Variants in LARGE1 observed in about 807,000 individuals in gnomAD.
LARGE1 encodes LARGE xylosyl- and glucuronyltransferase 1, also known as xylosyl- and glucuronyltransferase LARGE1.
A neutral mutation model predicts 87.6 loss-of-function variants in LARGE1; 43 were observed. The observed-to-expected ratio is 0.49, with a 90% CI of 0.38 to 0.63. The LOEUF (loss-of-function observed/expected upper bound fraction) is 0.63, where lower values mean the gene tolerates loss of function less well. LARGE1 is among the 30% of genes least tolerant of loss of function. The probability of loss-of-function intolerance (pLI) is 0.00; values close to 1 mark genes in which losing one functional copy is unlikely to be tolerated. For synonymous variants in LARGE1, 434 were observed against 394.6 expected (o/e 1.10, Z -1.18); for missense variants, 802 against 1,000.2 (o/e 0.80, Z 2.67).
intron 12 of LARGE1, among the ~76,000 whole-genome samples, chr22:33,292,100 A>C (rs1286522937): frequency 6.6e-6 from 1 of 152,094 alleles, no homozygotes; most frequent in East Asian, 1.9e-4. Context: ...TCTCAAAACA[A>C]AAACAAACAC....
chr22:33,801,785 A>G (rs1296039367), intron 1 of LARGE1, among the ~76,000 whole-genome samples: 5 of 152,148 alleles, frequency 3.3e-5, no homozygotes, highest in African/African-American at 4.8e-5. Context: ...CAGAAGAGGT[A>G]CCTGGACAAA....
At chr22:33,193,649 C>T (rs1399326493) in intron 11 of LARGE1, among the ~76,000 whole-genome samples, 1 of 151,898 alleles carries the variant, frequency 6.6e-6, no homozygotes, top group African/African-American at 2.4e-5. Flanking sequence ...GAAACCCCAT[C>T]TCTACTAAAA....
Position 33,545,212 on chromosome 22 carries a change from ATC to A in LARGE1, c.787+19634_787+19635del, listed in dbSNP as rs2077322884. On this transcript the variant is annotated intron_variant, in intron 6 of 14. Coordinates refer to ENST00000397394, the MANE Select transcript of LARGE1 (RefSeq NM_133642.5). ...AACTGGGAAAGTAGGTCATGTACAA[ATC>A]TTTTTTCTTTTGTACTACACCTGAC... Among the ~76,000 whole-genome samples, 3 of 151,492 alleles carry A rather than the reference ATC, an allele frequency of 2.0e-5. No individual in the cohort carries two copies. The South Asian group carries it at 6.3e-4, about 32-fold the overall frequency.
chr22:33,812,984 A>G (rs2086543848), intron 1 of LARGE1, among the ~76,000 whole-genome samples: 1 of 152,198 alleles, frequency 6.6e-6, no homozygotes, highest in Non-Finnish European at 1.5e-5. Context: ...AGGTGGTACC[A>G]AATTGGCATA....
At chr22:33,870,749 A>G (rs942860831) in intron 1 of LARGE1, among the ~76,000 whole-genome samples, 6 of 152,166 alleles carry the variant, frequency 3.9e-5, no homozygotes, top group African/African-American at 7.2e-5. Flanking sequence ...TTGTATTTTT[A>G]GTACAGACAG....
At chr22:33,707,447 A>T (rs941370774) in intron 2 of LARGE1, among the ~76,000 whole-genome samples, 1 of 152,246 alleles carries the variant, frequency 6.6e-6, no homozygotes, top group African/African-American at 2.4e-5. Context: ...GGAAGTGGTT[A>T]TTAGGTTCCT....
intron 9 of LARGE1, among the ~76,000 whole-genome samples, chr22:33,352,680 T>G (rs1421244359): frequency 6.6e-6 from 1 of 151,982 alleles, no homozygotes; most frequent in African/African-American, 2.4e-5. Context: ...GAGACTTGCT[T>G]GAACTTGGGA....
intron 3 of LARGE1, among the ~76,000 whole-genome samples, chr22:33,644,222 T>C (rs2080534701): frequency 6.6e-6 from 1 of 152,202 alleles, no homozygotes; most frequent in Non-Finnish European, 1.5e-5. Context: ...CACTATCAAG[T>C]TGGATTCATC....
chr22:33,433,271 A>G (rs2067146174), intron 6 of LARGE1, among the ~76,000 whole-genome samples: 1 of 152,184 alleles, frequency 6.6e-6, no homozygotes, highest in East Asian at 1.9e-4. Flanking sequence ...CAAATATTTT[A>G]GGCAGGAATT....
chr22:33,603,241 A>T (rs913908691), intron 5 of LARGE1, among the ~76,000 whole-genome samples: 1 of 152,182 alleles, frequency 6.6e-6, no homozygotes, highest in African/African-American at 2.4e-5. Flanking sequence ...ATGAAAAGAT[A>T]ATGGCTTTAT....
chr22:33,675,291 T>TAAAA (rs2081537793), intron 2 of LARGE1, among the ~76,000 whole-genome samples: 1 of 846 alleles, frequency 1.2e-3, no homozygotes, highest in African/African-American at 6.4e-3. Flanking sequence ...CGAAACTCCA[T>TAAAA]CAAAAAAAAA....
intron 6 of LARGE1, among the ~76,000 whole-genome samples, chr22:33,553,286 G>A (rs956885643): frequency 5.3e-5 from 8 of 151,984 alleles, no homozygotes; most frequent in South Asian, 2.1e-4. Flanking sequence ...CGGGAGGATC[G>A]CTTGAGCCCA....
chr22:33,803,913 G>A (rs542184358), intron 1 of LARGE1, among the ~76,000 whole-genome samples: 35 of 152,282 alleles, frequency 2.3e-4, no homozygotes, highest in East Asian at 7.7e-4. Context: ...CAGTCTTATC[G>A]GGTCTGAGAA....
intron 2 of LARGE1, among the ~76,000 whole-genome samples, chr22:33,665,297 C>A (rs1379105245): frequency 6.6e-6 from 1 of 152,310 alleles, no homozygotes; most frequent in Non-Finnish European, 1.5e-5. Context: ...CCTGTCTCCA[C>A]CTCATGAACA....
chr22:33,291,159 T>C (rs548784027), intron 12 of LARGE1, among the ~76,000 whole-genome samples: 1 of 152,272 alleles, frequency 6.6e-6, no homozygotes, highest in Admixed American at 6.5e-5. Context: ...CAATTTAGTT[T>C]CATCTTAAGT....
At chr22:33,493,088 C>G (rs892316961) in intron 6 of LARGE1, among the ~76,000 whole-genome samples, 3 of 151,516 alleles carry the variant, frequency 2.0e-5, no homozygotes, top group Non-Finnish European at 2.9e-5. Context: ...CTCGAGGGTC[C>G]TCTTTCAAAT....
intron 7 of LARGE1, among the ~76,000 whole-genome samples, chr22:33,421,697 C>G (rs1337416837): frequency 6.6e-6 from 1 of 152,178 alleles, no homozygotes; most frequent in African/African-American, 2.4e-5. Context: ...CTTACTATAA[C>G]CATCCTCAAC....
At chr22:33,170,017 C>T (rs1020720100) in intron 11 of LARGE1, among the ~76,000 whole-genome samples, 7 of 152,094 alleles carry the variant, frequency 4.6e-5, no homozygotes, top group Admixed American at 3.9e-4. Context: ...GAAACCTAAG[C>T]TCCAACATGA....
intron 7 of LARGE1, among the ~76,000 whole-genome samples, chr22:33,407,220 C>T (rs1469741418): frequency 6.6e-6 from 1 of 152,168 alleles, no homozygotes; most frequent in Non-Finnish European, 1.5e-5. Context: ...TATTCACAAG[C>T]ACGATCATCG....
Sources: gnomAD v4.1 joint callset for allele counts (sites outside exome capture counted in the v4.1 genomes callset) on GRCh38, gnomAD v4.1.1 for gene constraint, MANE v1.5 for transcripts, NCBI Gene and HGNC (gene_info 2026-07-23, HGNC 2026-07-21) for gene names.